Variants in TG observed in about 807,000 individuals in gnomAD.
TG encodes thyroid hormones.
A neutral mutation model predicts 324.7 loss-of-function variants in TG; 270 were observed. The observed-to-expected ratio is 0.83, with a 90% CI of 0.75 to 0.92. The LOEUF (loss-of-function observed/expected upper bound fraction) is 0.92. Ranked by LOEUF, TG falls within the 40% of genes least tolerant of loss-of-function variation. TG has a pLI of 0.00. For missense variants in TG, 3,591 were observed against 3,456.4 expected (o/e 1.04, Z -0.98); for synonymous variants, 1,401 against 1,327.0 (o/e 1.06, Z -1.21).
rs781695424 is a variant in TG at position 133,134,812 on chromosome 8, C to A, written c.*18C>A. 1 of 1,604,488 alleles carries A rather than the reference C, an allele frequency of 6.2e-7. No individual in the cohort carries two copies. The highest frequency in any genetic ancestry group is 1.3e-5 in the African/African-American group (1 of 74,722). On this transcript the variant is annotated 3_prime_UTR_variant, in exon 48 of 48. Transcript: ENST00000220616. ...GCAAGTGACCAGCCCTTGAGCTCCC[C>A]AAAAACCTCACCCGAGGCTGCCCAC...
intron 27 of TG, among the ~76,000 whole-genome samples, chr8:132,953,890 G>C (rs1826465137): frequency 6.6e-6 from 1 of 152,070 alleles, no homozygotes; most frequent in Non-Finnish European, 1.5e-5. Context: ...ATCTTAGAAA[G>C]CTCTGGGGCT....
At chr8:132,901,643 AG>A in intron 16 of TG, 90 bp downstream of exon 16, 1 of 1,358,880 alleles carries the variant, frequency 7.4e-7, no homozygotes, top group African/African-American at 1.4e-5. Flanking sequence ...CTGGGAAGGC[AG>A]GGGTGGGAGG....
At chr8:132,980,053 C>CA (rs1472761761) in intron 34 of TG, among the ~76,000 whole-genome samples, 2 of 152,000 alleles carry the variant, frequency 1.3e-5, no homozygotes, top group Non-Finnish European at 2.9e-5. Flanking sequence ...CAGAAACAGC[C>CA]AAAAGGAAGG....
intron 41 of TG, chr8:133,075,220 G>A (rs1363481489): frequency 5.6e-6 from 4 of 716,258 alleles, no homozygotes; most frequent in Non-Finnish European, 6.8e-6. Context: ...CAGAAGCTTG[G>A]TCTTCTTTCT....
At chr8:133,005,727 G>T (rs1040927296) in intron 35 of TG, among the ~76,000 whole-genome samples, 2 of 152,300 alleles carry the variant, frequency 1.3e-5, no homozygotes, top group Admixed American at 1.3e-4. Flanking sequence ...GTCAGCTGCT[G>T]GGTGTGTTCA....
intron 4 of TG, among the ~76,000 whole-genome samples, chr8:132,872,632 C>G (rs183335713): frequency 2.0e-5 from 3 of 152,222 alleles, no homozygotes; most frequent in Admixed American, 1.3e-4. Context: ...TTCACACTCA[C>G]TCACTGACTC....
At chr8:132,964,565 G>A in intron 29 of TG, 1 of 286,866 alleles carries the variant, frequency 3.5e-6, no homozygotes, top group Non-Finnish European at 6.6e-6. Flanking sequence ...CAGTCTGAAT[G>A]TTTGAGACAA....
intron 45 of TG, among the ~76,000 whole-genome samples, chr8:133,117,005 T>C (rs1158900648): frequency 1.3e-5 from 2 of 152,250 alleles, no homozygotes; most frequent in East Asian, 3.8e-4. Flanking sequence ...TTACTCTCTA[T>C]ATTGATTCCT....
At chr8:133,068,776 A>T (rs1043599905) in intron 41 of TG, among the ~76,000 whole-genome samples, 3 of 152,234 alleles carry the variant, frequency 2.0e-5, no homozygotes, top group African/African-American at 7.2e-5. Context: ...TAGTTCATGG[A>T]AATAAAAAGA....
At chr8:132,969,593 T>C (rs1360867797) in intron 32 of TG, 24 bp downstream of exon 32, 2 of 1,403,242 alleles carry the variant, frequency 1.4e-6, no homozygotes, top group Admixed American at 3.3e-5. Flanking sequence ...GTCTCACCCC[T>C]AATGTTTATT....
At chr8:132,968,644 G>A (rs1042484298) in intron 31 of TG, among the ~76,000 whole-genome samples, 1 of 152,194 alleles carries the variant, frequency 6.6e-6, no homozygotes, top group Non-Finnish European at 1.5e-5. Context: ...CAAGCTGACT[G>A]GGCAGCCCCA....
intron 34 of TG, among the ~76,000 whole-genome samples, chr8:132,973,293 C>T (rs7015412): frequency 1.3e-5 from 2 of 152,010 alleles, no homozygotes; most frequent in Admixed American, 1.3e-4. Context: ...AGACAATGTA[C>T]CACATGGTAG....
chr8:132,966,410 C>T lies in TG; in HGVS notation c.5549-150C>T, dbSNP rs1216438562. On this transcript the variant is annotated intron_variant, in intron 29 of 47. Coordinates refer to ENST00000220616, the MANE Select transcript of TG (RefSeq NM_003235.5). Reference sequence around the variant, plus strand: ...ACTTCAATCCTGCTCTGGTTTCACACAGCATAAAAATGTCTCTGTCTCTAT... The same window carrying T: ...ACTTCAATCCTGCTCTGGTTTCACATAGCATAAAAATGTCTCTGTCTCTAT... 3.9e-6 allele frequency: 4 copies of T among 1,024,528 alleles called. No homozygotes were observed. The East Asian group carries it at 7.7e-5, about 20-fold the overall frequency. 63.5% of individuals were successfully genotyped at this position (1,024,528 alleles called of 1,614,324 possible). A position where few individuals can be genotyped will look rare whatever the true frequency, so the allele number is the denominator to read the frequency against.
intron 30 of TG, among the ~76,000 whole-genome samples, chr8:132,967,559 C>A (rs965405197): frequency 6.6e-6 from 1 of 152,134 alleles, no homozygotes; most frequent in Non-Finnish European, 1.5e-5. Context: ...TGAGGTTTGT[C>A]CCTTATGCCT....
At chr8:133,079,335 T>C (rs1008277137) in intron 41 of TG, among the ~76,000 whole-genome samples, 2 of 152,162 alleles carry the variant, frequency 1.3e-5, no homozygotes, top group Non-Finnish European at 2.9e-5. Flanking sequence ...ATAATAACAA[T>C]GCCAGCCATG....
chr8:133,055,349 A>ACACGCACG (rs1841187658), intron 41 of TG, among the ~76,000 whole-genome samples: 1 of 80,538 alleles, frequency 1.2e-5, no homozygotes, highest in South Asian at 3.1e-4. Flanking sequence ...TCTTCAGGAC[A>ACACGCACG]CACACACGCA....
At chr8:133,043,539 A>G (rs1838728155) in intron 41 of TG, among the ~76,000 whole-genome samples, 1 of 152,198 alleles carries the variant, frequency 6.6e-6, no homozygotes. Context: ...CACTACATGA[A>G]CGATTGTGTT....
chr8:133,087,088 A>G (rs1352822435), intron 41 of TG, among the ~76,000 whole-genome samples: 1 of 86,060 alleles, frequency 1.2e-5, no homozygotes, highest in Non-Finnish European at 2.8e-5. Context: ...ACACACACAC[A>G]CACACACACA....
chr8:132,919,678 T>G (rs1820851380), intron 21 of TG, among the ~76,000 whole-genome samples, 153 bp downstream of exon 21: 1 of 152,216 alleles, frequency 6.6e-6, no homozygotes, highest in Non-Finnish European at 1.5e-5. Flanking sequence ...GTAGCATTGG[T>G]AGCTCTCAGA....
Sources: gnomAD v4.1 joint callset for allele counts (sites outside exome capture counted in the v4.1 genomes callset) on GRCh38, gnomAD v4.1.1 for gene constraint, MANE v1.5 for transcripts, NCBI Gene and HGNC (gene_info 2026-07-23, HGNC 2026-07-21) for gene names.